The following RNF150 variants were observed in gnomAD, a reference collection of about 807,000 sequenced individuals.
RNF150 encodes the protein ring finger protein 150.
Under a neutral mutation model 39.3 loss-of-function variants are expected in RNF150, and 24 were observed. The ratio of observed to expected loss-of-function variants is 0.61; its 90% confidence interval spans 0.44 to 0.86. RNF150 has a LOEUF of 0.86. Ranked by LOEUF, RNF150 falls within the 40% of genes least tolerant of loss-of-function variation. The pLI is 0.00. For missense variants in RNF150, 502 were observed against 587.8 expected (o/e 0.85, Z 1.51); for synonymous variants, 255 against 227.3 (o/e 1.12, Z -1.10).
intron 4 of RNF150, among the ~76,000 whole-genome samples, chr4:140,928,730 T>C (rs1452815494): frequency 6.6e-6 from 1 of 152,122 alleles, no homozygotes; most frequent in African/African-American, 2.4e-5. Context: ...GTATTTTTAG[T>C]AGAGACGGGG....
intron 1 of RNF150, among the ~76,000 whole-genome samples, chr4:141,162,110 T>A (rs1312660178): frequency 6.6e-6 from 1 of 152,126 alleles, no homozygotes; most frequent in Non-Finnish European, 1.5e-5. Flanking sequence ...TGGAAAAACC[T>A]CTAGCACTCA....
At chr4:141,073,476 C>T (rs1037215122) in intron 1 of RNF150, among the ~76,000 whole-genome samples, 1 of 152,124 alleles carries the variant, frequency 6.6e-6, no homozygotes, top group Non-Finnish European at 1.5e-5. Flanking sequence ...CTCCCCGCTT[C>T]CATTTCATGG....
chr4:141,193,896 T>C (rs891566947), intron 1 of RNF150, among the ~76,000 whole-genome samples: 3 of 152,226 alleles, frequency 2.0e-5, no homozygotes, highest in Non-Finnish European at 2.9e-5. Flanking sequence ...AATTACATGA[T>C]AAGGAGGATT....
intron 1 of RNF150, among the ~76,000 whole-genome samples, chr4:141,113,163 G>C (rs1388010566): frequency 2.6e-5 from 4 of 151,658 alleles, no homozygotes; most frequent in Admixed American, 2.0e-4. Context: ...CTTGCATTGG[G>C]TTAGAACATG....
chr4:140,884,918 A>G (rs538582529), intron 6 of RNF150, among the ~76,000 whole-genome samples: 48 of 152,284 alleles, frequency 3.2e-4, no homozygotes, highest in Non-Finnish European at 3.2e-4. Context: ...AGTGGGTTCC[A>G]TGAATTTTCC....
At chr4:141,068,588 C>T (rs1737556147) in intron 1 of RNF150, among the ~76,000 whole-genome samples, 1 of 151,672 alleles carries the variant, frequency 6.6e-6, no homozygotes, top group South Asian at 2.1e-4. Context: ...TTTTCCAATT[C>T]TGTGAAGAAA....
chr4:141,033,479 G>A (rs1185864249), intron 1 of RNF150, among the ~76,000 whole-genome samples: 1 of 152,110 alleles, frequency 6.6e-6, no homozygotes, highest in African/African-American at 2.4e-5. Flanking sequence ...CCAAACTCCT[G>A]TAAATGTTGA....
chr4:141,070,741 G>T (rs1737662675), intron 1 of RNF150, among the ~76,000 whole-genome samples: 1 of 135,782 alleles, frequency 7.4e-6, no homozygotes, highest in Non-Finnish European at 1.7e-5. Context: ...AACAGGTGCT[G>T]GAGAGGATGT....
intron 4 of RNF150, among the ~76,000 whole-genome samples, chr4:140,933,264 T>C (rs1203499821): frequency 1.3e-5 from 2 of 152,162 alleles, no homozygotes; most frequent in African/African-American, 4.8e-5. Context: ...GCCTAAAGCA[T>C]GGGAAGAACT....
chr4:141,167,484 C>T (rs775984708), intron 1 of RNF150, among the ~76,000 whole-genome samples: 45 of 152,054 alleles, frequency 3.0e-4, no homozygotes, highest in Non-Finnish European at 5.9e-4. Context: ...CCCATATAGC[C>T]AAGACAATTT....
At chr4:141,147,777 A>G (rs1727227252) in intron 1 of RNF150, among the ~76,000 whole-genome samples, 1 of 152,152 alleles carries the variant, frequency 6.6e-6, no homozygotes, top group Non-Finnish European at 1.5e-5. Flanking sequence ...GGGCAGGCAG[A>G]TTTCAGAGGG....
intron 1 of RNF150, among the ~76,000 whole-genome samples, chr4:141,150,038 G>T (rs1024756330): frequency 6.6e-6 from 1 of 152,154 alleles, no homozygotes; most frequent in African/African-American, 2.4e-5. Context: ...TGAAATAGGT[G>T]TAATGCATAA....
At chr4:141,023,696 G>A (rs1204461413) in intron 1 of RNF150, among the ~76,000 whole-genome samples, 1 of 151,926 alleles carries the variant, frequency 6.6e-6, no homozygotes, top group East Asian at 1.9e-4. Flanking sequence ...TACTTTCAAT[G>A]CATCATCCAC....
At chr4:141,152,956 C>G (rs193287) in intron 1 of RNF150, among the ~76,000 whole-genome samples, 54,168 of 152,066 alleles carry the variant, frequency 0.36, 11,814 homozygotes, top group Non-Finnish European at 0.47. Context: ...AGGTATTAAG[C>G]CCCACATGCA....
At chr4:140,961,136 A>G (rs1311825363) in intron 2 of RNF150, among the ~76,000 whole-genome samples, 1 of 152,192 alleles carries the variant, frequency 6.6e-6, no homozygotes, top group Non-Finnish European at 1.5e-5. Flanking sequence ...ATGGCACACC[A>G]GCCAAATCTT....
intron 1 of RNF150, among the ~76,000 whole-genome samples, chr4:141,203,181 C>T (rs1374604205): frequency 9.4e-5 from 5 of 52,996 alleles, no homozygotes; most frequent in Non-Finnish European, 1.0e-4. Flanking sequence ...ATCTTGGAGA[C>T]GATATATATA....
chr4:140,963,371 A>G (rs951246224), intron 2 of RNF150, among the ~76,000 whole-genome samples: 3 of 152,046 alleles, frequency 2.0e-5, no homozygotes, highest in East Asian at 1.9e-4. Flanking sequence ...GTGTTACCCA[A>G]TAAGACTTTC....
At chr4:140,919,708 A>G (rs1198995080) in intron 5 of RNF150, among the ~76,000 whole-genome samples, 2 of 151,720 alleles carry the variant, frequency 1.3e-5, no homozygotes, top group Admixed American at 1.3e-4. Context: ...TATGGAACCA[A>G]AAAAGAGCCC....
chr4:141,163,110 G>T (rs1727542874), intron 1 of RNF150, among the ~76,000 whole-genome samples: 1 of 152,180 alleles, frequency 6.6e-6, no homozygotes, highest in Non-Finnish European at 1.5e-5. Context: ...GCTCGGGCTT[G>T]GTTGGGGCAG....
Sources: gnomAD v4.1 joint callset for allele counts (sites outside exome capture counted in the v4.1 genomes callset) on GRCh38, gnomAD v4.1.1 for gene constraint, MANE v1.5 for transcripts, NCBI Gene and HGNC (gene_info 2026-07-23, HGNC 2026-07-21) for gene names.